Variants in STEEP1 observed in about 807,000 individuals in gnomAD.
STEEP1 encodes STING1 ER exit protein 1.
A neutral mutation model predicts 19.2 loss-of-function variants in STEEP1; 3 were observed. The observed-to-expected ratio is 0.16, with a 90% CI of 0.07 to 0.40. STEEP1 has a LOEUF of 0.40. Among genes scored for constraint, STEEP1 ranks in the 10% least tolerant of loss-of-function variants. The pLI, the probability that STEEP1 is intolerant of heterozygous loss-of-function variation, is 0.99. For synonymous variants in STEEP1, 46 were observed against 63.7 expected, an observed-to-expected ratio of 0.72 and a Z score of 1.32; for missense variants, 54 against 177.1, an observed-to-expected ratio of 0.30 and a Z score of 3.94.
At chrX:119,552,393 C>T (rs1334366958) in intron 2 of STEEP1, among the ~76,000 whole-genome samples, 1 of 112,390 alleles carries the variant, frequency 8.9e-6, no homozygotes, top group East Asian at 2.8e-4. Context: ...ACGACCCCCT[C>T]TTTGGGTTCG....
At chrX:119,539,828 A>G (rs2053151141) in intron 6 of STEEP1, 39 bp from the exon 7 acceptor site, 18 of 1,082,459 alleles carry the variant, frequency 1.7e-5, no homozygotes, top group Non-Finnish European at 2.3e-5. Flanking sequence ...GATACATGAC[A>G]TGAAATTATT....
At chrX:119,563,734 G>C (rs59609776) in intron 1 of STEEP1, among the ~76,000 whole-genome samples, 109 of 110,825 alleles carry the variant, frequency 9.8e-4, no homozygotes, top group African/African-American at 3.3e-3. Context: ...AGGAATGGAG[G>C]TGGTAAGAAG....
At chrX:119,560,685 T>C (rs1224888816) in intron 1 of STEEP1, among the ~76,000 whole-genome samples, 1 of 111,795 alleles carries the variant, frequency 8.9e-6, no homozygotes. Context: ...TCAAAAGTCC[T>C]TCCCAATACT....
chrX:119,541,259 T>C, intron 6 of STEEP1, 69 bp downstream of exon 6: 5 of 635,750 alleles, frequency 7.9e-6, no homozygotes, highest in Non-Finnish European at 1.0e-5. Flanking sequence ...CCCTGCCTGC[T>C]GAAAGGTCTT....
intron 2 of STEEP1, among the ~76,000 whole-genome samples, chrX:119,548,159 A>G (rs1440154879): frequency 9.0e-6 from 1 of 110,501 alleles, no homozygotes; most frequent in Non-Finnish European, 1.9e-5. Flanking sequence ...ACAACAGAGC[A>G]AGACCCTGTC....
intron 1 of STEEP1, among the ~76,000 whole-genome samples, chrX:119,561,009 CAAA>C (rs60535599): frequency 2.5e-5 from 2 of 81,259 alleles, no homozygotes; most frequent in Admixed American, 1.5e-4. Context: ...CTCTGTTTTA[CAAA>C]AAAAAAAAAA....
In STEEP1 at chrX:119,539,530, C is replaced by CAAACAA. The variant is rs2053147981; in HGVS notation, c.*196_*197insTTGTTT. The CAAACAA allele has an allele frequency of 6.6e-6, 2 of 304,701 alleles. No homozygotes were observed. The highest frequency in any genetic ancestry group is 1.1e-5 in the Non-Finnish European group (2 of 176,627). The allele number at this position is 304,701 out of a possible 1,213,427, so 25.1% of individuals were successfully genotyped here. On this transcript the variant is annotated 3_prime_UTR_variant, in exon 7 of 7. Coordinates refer to ENST00000644802, the MANE Select transcript of STEEP1 (RefSeq NM_022101.4). The stretch of plus-strand genomic sequence containing the variant: ...TGGGCGAAAGAGCAAGACTTTATCT[C>CAAACAA]AAAAAAAAAAAAAAAAAAAAGAAAG...
At chrX:119,563,576 A>G (rs1486680839) in intron 1 of STEEP1, among the ~76,000 whole-genome samples, 2 of 103,492 alleles carry the variant, frequency 1.9e-5, no homozygotes, top group East Asian at 6.0e-4. Flanking sequence ...AAAAAAAACT[A>G]GCCGGGCCTG....
rs762663991 is a variant in STEEP1 at position 119,565,381 on chromosome X, C to T, written c.-26G>A. ...GATTCCCAAGAGCAATCTGAAAACT[C>T]TACGCCAAGAAGAGGGTCGCCCCGA... is the stretch of plus-strand genomic sequence containing the variant. On this transcript the variant is annotated 5_prime_UTR_variant, in exon 1 of 7. Transcript: ENST00000644802. The T allele has an allele frequency of 8.8e-7, 1 of 1,140,548 alleles. No homozygotes were observed. The highest frequency in any genetic ancestry group is 1.8e-5 in the African/African-American group (1 of 55,686). The allele number at this position is 1,140,548 out of a possible 1,213,427, so 94.0% of individuals were successfully genotyped here. A position where few individuals can be genotyped will look rare whatever the true frequency, so the allele number is the denominator to read the frequency against.
At chrX:119,542,924 C>T (rs770403806) in intron 4 of STEEP1, among the ~76,000 whole-genome samples, 103 of 104,974 alleles carry the variant, frequency 9.8e-4, no homozygotes, top group Non-Finnish European at 1.6e-3. Flanking sequence ...CCTCAACCTC[C>T]CACGTAGCTA....
At chrX:119,549,035 T>C (rs2053226863) in intron 2 of STEEP1, among the ~76,000 whole-genome samples, 1 of 111,866 alleles carries the variant, frequency 8.9e-6, no homozygotes, top group Non-Finnish European at 1.9e-5. Context: ...GTCAAACTCA[T>C]AGAAGCAGAG....
At chrX:119,552,155 A>C (rs984973854) in intron 2 of STEEP1, among the ~76,000 whole-genome samples, 1 of 111,272 alleles carries the variant, frequency 9.0e-6, no homozygotes, top group African/African-American at 3.3e-5. Context: ...AGGCTCCCAA[A>C]GTGCTGGGAT....
chrX:119,552,164 A>G (rs2053247308), intron 2 of STEEP1, among the ~76,000 whole-genome samples: 1 of 111,371 alleles, frequency 9.0e-6, no homozygotes, highest in Non-Finnish European at 1.9e-5. Flanking sequence ...AAGTGCTGGG[A>G]TTATAGGCAT....
At position 119,557,172 on chromosome X, in the gene STEEP1, A is replaced by G. The variant is rs754174622; in HGVS notation, c.242+3096T>C. Among the ~76,000 whole-genome samples the G allele has an allele frequency of 7.1e-3, 757 of 106,620 alleles. 11 individuals carry two copies. The highest frequency in any genetic ancestry group is 0.014 in the Middle Eastern group (3 of 213). 92.6% of individuals were successfully genotyped at this position (106,620 alleles called of 115,157 possible). ...CTCTATCTCAAAAAAAAAAAAAAAA[A>G]AGAAAAGAAAGAAAGAAAACATGTA... is the stretch of plus-strand genomic sequence containing the variant. On this transcript the variant is annotated intron_variant, in intron 2 of 6. Coordinates refer to ENST00000644802, the MANE Select transcript of STEEP1 (RefSeq NM_022101.4).
At chrX:119,545,736 A>C (rs1157267216) in intron 2 of STEEP1, among the ~76,000 whole-genome samples, 1 of 110,717 alleles carries the variant, frequency 9.0e-6, no homozygotes, top group African/African-American at 3.3e-5. Flanking sequence ...TCTACTAAAA[A>C]TACAAAATTA....
chrX:119,559,199 C>G (rs1401056203), intron 2 of STEEP1, among the ~76,000 whole-genome samples: 1 of 108,100 alleles, frequency 9.3e-6, no homozygotes, highest in African/African-American at 3.4e-5. Flanking sequence ...GCCTGGGCAA[C>G]AAGAGCGAAA....
At chrX:119,547,148 TCTC>T (rs928927102) in intron 2 of STEEP1, among the ~76,000 whole-genome samples, 3 of 111,557 alleles carry the variant, frequency 2.7e-5, no homozygotes, top group African/African-American at 9.7e-5. Context: ...TGTACGCTGT[TCTC>T]TACTTTTGTT....
chrX:119,541,316 CT>C lies in STEEP1; in HGVS notation c.606+11del. 1 of 1,093,120 alleles carries C rather than the reference CT, an allele frequency of 9.1e-7. No homozygotes were observed. The highest frequency in any genetic ancestry group is 1.3e-6 in the Non-Finnish European group (1 of 788,652). 90.1% of individuals were successfully genotyped at this position (1,093,120 alleles called of 1,213,427 possible). ...ATAGGGCCCCAGCACCTTGCTACCC[CT>C]TGCTACTCACCAGCTCTTGCAGTCG... On this transcript the variant is annotated intron_variant, in intron 6 of 6. Transcript: ENST00000644802.
chrX:119,550,860 G>A (rs2053237515), intron 2 of STEEP1, among the ~76,000 whole-genome samples: 1 of 110,597 alleles, frequency 9.0e-6, no homozygotes, highest in East Asian at 2.9e-4. Flanking sequence ...ATGGGGTTTC[G>A]CCATGTTGGC....
Sources: allele counts gnomAD v4.1 joint callset (sites outside exome capture counted in the v4.1 genomes callset), GRCh38; gene constraint gnomAD v4.1.1; transcripts MANE v1.5; gene names NCBI Gene and HGNC (gene_info 2026-07-23, HGNC 2026-07-21).